Variants in IRS2 observed in about 807,000 individuals in gnomAD.
IRS2 encodes the protein insulin receptor substrate 2.
In IRS2, 28 loss-of-function variants were observed where a neutral mutation model predicts 70.9. That is an observed-to-expected ratio of 0.39 (90% CI 0.29 to 0.54). The LOEUF is 0.54. Ranked by LOEUF, IRS2 falls within the 20% of genes least tolerant of loss-of-function variation. The pLI is 0.59. For synonymous variants in IRS2, 1,217 were observed against 981.9 expected (o/e 1.24, Z -4.48); for missense variants, 2,081 against 2,024.1 (o/e 1.03, Z -0.54).
Position 109,782,590 on chromosome 13 carries a change from G to C in IRS2, c.3464C>G (p.Thr1155Ser). 1 of 1,577,966 alleles carries C rather than the reference G, an allele frequency of 6.3e-7. No homozygotes were observed. The highest frequency in any genetic ancestry group is 8.6e-7 in the Non-Finnish European group (1 of 1,162,894). ...RRHSSETFSS[T>S]TTVTPVSPSF... is the part of the protein sequence containing the mutation. The stretch of plus-strand genomic sequence containing the variant: ...CGGGGACACGGGGGTGACCGTCGTG[G>C]TGGAGGAGAAGGTCTCGGAACTGTG... The change falls in exon 1 of 2, where the codon ACC (threonine) becomes AGC (serine). Residue 1155 changes from threonine to serine, a missense_variant. Transcript: ENST00000375856.
intron 1 of IRS2, among the ~76,000 whole-genome samples, chr13:109,772,751 A>C (rs2138920997): frequency 6.8e-6 from 1 of 146,792 alleles, no homozygotes; most frequent in East Asian, 2.0e-4. Flanking sequence ...TGCGGACTGC[A>C]GTGGCGCGAT....
At chr13:109,770,856 G>A (rs1344040089) in intron 1 of IRS2, among the ~76,000 whole-genome samples, 1 of 152,204 alleles carries the variant, frequency 6.6e-6, no homozygotes, top group Non-Finnish European at 1.5e-5. Flanking sequence ...TCTGCGTTTT[G>A]GAAATGGCTG....
Position 109,784,221 on chromosome 13 carries a change from G to A in IRS2, c.1833C>T (p.Arg611=), listed in dbSNP as rs957902994. 5.7e-6 allele frequency: 9 copies of A among 1,568,734 alleles called. No individual in the cohort carries two copies. The highest frequency in any genetic ancestry group is 7.8e-6 in the Non-Finnish European group (9 of 1,156,924). Residue 611 remains arginine, a synonymous_variant, in exon 1 of 2, where the codon CGC becomes CGT. Transcript: ENST00000375856. This position sits in a 1 kb window ranked among gnomAD's most constrained non-coding sequence, Gnocchi z 5.2. The stretch of plus-strand genomic sequence containing the variant: ...AGGACGCGGGGCAGGACGGGCAGAG[G>A]CGGCCCGCGCTGCCCGAGAAGGTGG... ...MRATFSGSAG[R]LCPSCPASSP...
In IRS2 at chr13:109,783,402, G is replaced by A. The variant is rs766495647; in HGVS notation, c.2652C>T (p.Arg884=). The change falls in exon 1 of 2, where the codon CGC becomes CGT. Residue 884 remains arginine (R), a synonymous_variant. Transcript: ENST00000375856. ...GGCGCGTGGGCCTCACCGCCCGGCC[G>A]CGCTGGCCCAAGAAGCCCTCCGGGC... is the stretch of plus-strand genomic sequence containing the variant. ...GGRPEGFLGQ[R]GRAVRPTRLS... is the part of the protein sequence containing the mutation. 45 of 1,483,282 alleles carry A rather than the reference G, an allele frequency of 3.0e-5. No homozygotes were observed. Among genetic ancestry groups the A allele is most frequent in the Non-Finnish European group, 3.9e-5 (44 of 1,127,234 alleles). 91.9% of individuals were successfully genotyped at this position (1,483,282 alleles called of 1,614,324 possible).
rs1877060994 is a variant in IRS2 at position 109,754,486 on chromosome 13, G to A, written c.*1818C>T. 1 of 198,510 alleles carries A rather than the reference G, an allele frequency of 5.0e-6. No individual in the cohort carries two copies. The highest frequency in any genetic ancestry group is 6.3e-5 in the Admixed American group (1 of 15,766). 12.3% of individuals were successfully genotyped at this position (198,510 alleles called of 1,614,324 possible). A position where few individuals can be genotyped will look rare whatever the true frequency, so the allele number is the denominator to read the frequency against. ...AGTTACAAAGCAAATACCACCCATT[G>A]ATGCCTATTCCCAAAACTAAATAAA... On this transcript the variant is annotated 3_prime_UTR_variant, in exon 2 of 2. Transcript: ENST00000375856.
rs1316344339 is a variant in IRS2 at position 109,782,915 on chromosome 13, C to T, written c.3139G>A (p.Ala1047Thr). The T allele has an allele frequency of 5.2e-6, 8 of 1,543,830 alleles. No homozygotes were observed. Among genetic ancestry groups the T allele is most frequent in the Non-Finnish European group, 7.0e-6 (8 of 1,143,956 alleles). ...APGELYRLPP[A>T]SAVATAQGPG... ...CCCTGGGCGGTGGCAACGGCCGAGGCGGGGGGCAGGCGGTACAGCTCCCCC... is the reference window on the plus strand; with the variant it reads ...CCCTGGGCGGTGGCAACGGCCGAGGTGGGGGGCAGGCGGTACAGCTCCCCC... Residue 1047 changes from alanine to threonine, a missense_variant, in exon 1 of 2, where the codon GCC becomes ACC. By Grantham distance (58) the Ala-to-Thr change is moderately conservative. This residue lies in a region of IRS2 where 1,615 missense variants were observed against 1,459.5 expected (regional missense o/e 1.11). Coordinates refer to ENST00000375856, the MANE Select transcript of IRS2 (RefSeq NM_003749.3).
At position 109,782,426 on chromosome 13, in the gene IRS2, C is replaced by T. The variant is rs768270538; in HGVS notation, c.3628G>A (p.Ala1210Thr). The T allele has an allele frequency of 1.9e-6, 3 of 1,593,904 alleles. No individual in the cohort carries two copies. The highest frequency in any genetic ancestry group is 1.3e-5 in the African/African-American group (1 of 74,342). Residue 1210 changes from alanine to threonine, a missense_variant, in exon 1 of 2, where the codon GCG (alanine) becomes ACG (threonine). Physicochemically the swap from Ala to Thr is moderately conservative, Grantham distance 58. Transcript: ENST00000375856. ...CGGCCCTGCGGTGCCAAAGGGGGCG[C>T]CGGCTGCAACTGTCGTGGGGAGGTG... ...PPTSPRQLQPAPPLAPQGRPW... is the reference protein window; with the variant it reads ...PPTSPRQLQPTPPLAPQGRPW...
intron 1 of IRS2, among the ~76,000 whole-genome samples, chr13:109,764,145 A>G (rs1877285837): frequency 1.3e-5 from 2 of 152,232 alleles, no homozygotes; most frequent in Admixed American, 1.3e-4. Flanking sequence ...CAAAGTGCCC[A>G]TTCTTCCTAA....
rs1358658681 is a variant in IRS2 at position 109,782,148 on chromosome 13, G to A, written c.3906C>T (p.Thr1302=). The A allele has an allele frequency of 1.9e-6, 3 of 1,580,566 alleles. No individual in the cohort carries two copies. The highest frequency in any genetic ancestry group is 2.4e-5 in the East Asian group (1 of 41,816). The change falls in exon 1 of 2, where the codon ACC becomes ACT. Residue 1302 remains threonine (T), a synonymous_variant. Transcript: ENST00000375856. ...GLISAVGVGS[T]GGGCGGPGPG... is the part of the protein sequence containing the mutation. ...GACCCGGCCCCCCGCACCCGCCGCC[G>A]GTGCTGCCGACGCCCACAGCGCTGA...
In IRS2 at chr13:109,786,122, CGGGCGG is replaced by C; in HGVS notation, c.-75_-70del. 1 of 882,662 alleles carries C rather than the reference CGGGCGG, an allele frequency of 1.1e-6. No individual in the cohort carries two copies. The highest frequency in any genetic ancestry group is 1.4e-6 in the Non-Finnish European group (1 of 738,718). 54.7% of individuals were successfully genotyped at this position (882,662 alleles called of 1,614,324 possible). ...GTTGGGGCGAGGGGCGGAGGGGGCG[CGGGCGG>C]GGGCGGCTCCCTCCCACCCTTGCGC... is the stretch of plus-strand genomic sequence containing the variant. On this transcript the variant is annotated 5_prime_UTR_variant, in exon 1 of 2. Coordinates refer to ENST00000375856, the MANE Select transcript of IRS2 (RefSeq NM_003749.3). The surrounding 1 kb of genome is among the most constrained non-coding windows in gnomAD (Gnocchi z 4.4).
At chr13:109,774,855 T>C (rs1021587702) in intron 1 of IRS2, among the ~76,000 whole-genome samples, 1 of 152,198 alleles carries the variant, frequency 6.6e-6, no homozygotes. Context: ...ACAACTCTTT[T>C]AACCCCAAGA....
rs760377424 is a variant in IRS2 at position 109,783,363 on chromosome 13, C to T, written c.2691G>A (p.Gly897=). Residue 897 remains glycine (G), a synonymous_variant, in exon 1 of 2, where the codon GGG becomes GGA. Coordinates refer to ENST00000375856, the MANE Select transcript of IRS2 (RefSeq NM_003749.3). ...AVRPTRLSLE[G]LPSLPSMHEY... The stretch of plus-strand genomic sequence containing the variant: ...CGTGCATGCTGGGCAGGCTGGGCAG[C>T]CCCTCCAGGGACAGGCGCGTGGGCC... 1 of 1,543,874 alleles carries T rather than the reference C, an allele frequency of 6.5e-7. No individual in the cohort carries two copies. The highest frequency in any genetic ancestry group is 1.4e-5 in the African/African-American group (1 of 70,408).
rs745752281 is a variant in IRS2 at position 109,783,770 on chromosome 13, G to A, written c.2284C>T (p.Pro762Ser). 92 of 1,596,688 alleles carry A rather than the reference G, an allele frequency of 5.8e-5. No individual in the cohort carries two copies. The highest frequency in any genetic ancestry group is 7.0e-5 in the Non-Finnish European group (82 of 1,172,202). Residue 762 changes from proline to serine, a missense_variant, in exon 1 of 2, where the codon CCC (proline) becomes TCC (serine). Coordinates refer to ENST00000375856, the MANE Select transcript of IRS2 (RefSeq NM_003749.3). ...GACACGTTGAGGTAGTCCCCGTTGG[G>A]CAGCAGCTTGCCATCTGCATGCTCC... ...SMEHADGKLL[P>S]NGDYLNVSPS...
At chr13:109,759,437 G>A (rs1052541681) in intron 1 of IRS2, among the ~76,000 whole-genome samples, 2 of 152,122 alleles carry the variant, frequency 1.3e-5, no homozygotes, top group African/African-American at 2.4e-5. Flanking sequence ...AAAGGGCAGC[G>A]AGGAAAAGGC....
chr13:109,771,598 T>C (rs1241105871), intron 1 of IRS2, among the ~76,000 whole-genome samples: 1 of 152,248 alleles, frequency 6.6e-6, no homozygotes, highest in African/African-American at 2.4e-5. Context: ...TATGGATTTG[T>C]TTTCTGTTTC....
intron 1 of IRS2, among the ~76,000 whole-genome samples, chr13:109,766,715 G>A (rs9559642): frequency 4.1e-4 from 13 of 31,360 alleles, no homozygotes; most frequent in African/African-American, 8.3e-4. Flanking sequence ...ATCCACCCTG[G>A]CTCCGACTCC....
At chr13:109,781,357 G>A (rs1877693516) in intron 1 of IRS2, among the ~76,000 whole-genome samples, 2 of 152,170 alleles carry the variant, frequency 1.3e-5, no homozygotes, top group Non-Finnish European at 2.9e-5. Flanking sequence ...TTTCAGCAAA[G>A]CCTCCAGGTA....
rs1180608417 is a variant in IRS2, at chr13:109,785,550, G to C, written c.504C>G (p.Pro168=). ...APAASCSASL[P]GALGGSAGAA... is the part of the protein sequence containing the mutation. The stretch of plus-strand genomic sequence containing the variant: ...CGCCGGCAGAGCCGCCCAGGGCGCC[G>C]GGCAGGGAGGCGCTGCAGGACGCGG... Residue 168 remains proline, a synonymous_variant, in exon 1 of 2, where the codon CCC becomes CCG. Transcript: ENST00000375856. This position sits in a 1 kb window ranked among gnomAD's most constrained non-coding sequence, Gnocchi z 9.3. 4 of 1,504,276 alleles carry C rather than the reference G, an allele frequency of 2.7e-6. No individual in the cohort carries two copies. Among genetic ancestry groups the C allele is most frequent in the Admixed American group, 2.1e-5 (1 of 47,856 alleles). The allele number at this position is 1,504,276 out of a possible 1,614,324, so 93.2% of individuals were successfully genotyped here.
intron 1 of IRS2, among the ~76,000 whole-genome samples, chr13:109,779,269 G>A (rs937612954): frequency 5.3e-5 from 8 of 152,226 alleles, no homozygotes; most frequent in African/African-American, 1.7e-4. Context: ...CACTAACGAG[G>A]TCTTCCCATG....
Sources: gnomAD v4.1 joint callset for allele counts (sites outside exome capture counted in the v4.1 genomes callset) on GRCh38, gnomAD v4.1.1 for gene constraint, gnomAD v4.1.1 regional missense constraint, Gnocchi (gnomAD v3.1) non-coding constraint, MANE v1.5 for transcripts, NCBI Gene and HGNC (gene_info 2026-07-23, HGNC 2026-07-21) for gene names.